Variants in MAP4K3 observed in about 807,000 individuals in gnomAD.
MAP4K3 encodes the protein MAPK/ERK kinase kinase kinase 3.
MAP4K3 carries 94 observed loss-of-function variants against 143.5 expected under a neutral mutation model. That is an observed-to-expected ratio of 0.65 (90% CI 0.55 to 0.78). The LOEUF (loss-of-function observed/expected upper bound fraction) is 0.78, where lower values mean the gene tolerates loss of function less well. Among genes scored for constraint, MAP4K3 ranks in the 30% least tolerant of loss-of-function variants. The probability of loss-of-function intolerance (pLI) is 0.00; values close to 1 mark genes in which losing one functional copy is unlikely to be tolerated. For synonymous variants in MAP4K3, 416 were observed against 347.2 expected, an observed-to-expected ratio of 1.20 and a Z score of -2.20; for missense variants, 1,077 against 1,068.1, an observed-to-expected ratio of 1.01 and a Z score of -0.12.
At chr2:39,359,349 A>C (rs1202120488) in intron 2 of MAP4K3, among the ~76,000 whole-genome samples, 1 of 152,202 alleles carries the variant, frequency 6.6e-6, no homozygotes, top group Non-Finnish European at 1.5e-5. Flanking sequence ...TGATAACAAG[A>C]GGTGGACTCC....
chr2:39,435,354 A>T (rs1665427378), intron 1 of MAP4K3, among the ~76,000 whole-genome samples: 1 of 152,202 alleles, frequency 6.6e-6, no homozygotes, highest in Non-Finnish European at 1.5e-5. Flanking sequence ...GAGAACTAAG[A>T]GGCCTGCAAG....
At chr2:39,298,874 A>G (rs1682393897) in intron 16 of MAP4K3, among the ~76,000 whole-genome samples, 2 of 151,556 alleles carry the variant, frequency 1.3e-5, no homozygotes, top group Non-Finnish European at 2.9e-5. Context: ...CTGGGGCATG[A>G]GAATCACTTG....
intron 2 of MAP4K3, among the ~76,000 whole-genome samples, chr2:39,374,041 G>A (rs1034279147): frequency 1.3e-5 from 2 of 152,118 alleles, no homozygotes; most frequent in South Asian, 2.1e-4. Context: ...TATGCATTGC[G>A]TGTCTGTATC....
intron 24 of MAP4K3, among the ~76,000 whole-genome samples, chr2:39,275,185 T>G (rs1360175921): frequency 6.6e-6 from 1 of 152,142 alleles, no homozygotes; most frequent in Non-Finnish European, 1.5e-5. Context: ...GGTTGATGGG[T>G]GCCTTCTCTC....
At chr2:39,372,649 T>C (rs1304735420) in intron 2 of MAP4K3, among the ~76,000 whole-genome samples, 2 of 151,964 alleles carry the variant, frequency 1.3e-5, no homozygotes, top group Admixed American at 6.6e-5. Context: ...GTACAGTGAA[T>C]GCATTTTCAA....
intron 4 of MAP4K3, among the ~76,000 whole-genome samples, chr2:39,338,107 C>T (rs1665028436): frequency 6.6e-6 from 1 of 151,958 alleles, no homozygotes; most frequent in Admixed American, 6.6e-5. Flanking sequence ...TGTTGTATCT[C>T]CAGTGTGCAG....
intron 1 of MAP4K3, among the ~76,000 whole-genome samples, chr2:39,378,702 T>A (rs1175651303): frequency 6.6e-6 from 1 of 152,112 alleles, no homozygotes; most frequent in Non-Finnish European, 1.5e-5. Context: ...GCCCCCTGCA[T>A]CCTTTTAAAC....
rs191424965 is a variant in MAP4K3, at chr2:39,436,212, C to T, written c.96+680G>A. Among the ~76,000 whole-genome samples the T allele has an allele frequency of 3.4e-3, 518 of 152,124 alleles. 1 individual carries two copies. The highest frequency in any genetic ancestry group is 4.2e-3 in the South Asian group (20 of 4,808). The stretch of plus-strand genomic sequence containing the variant: ...CCGCTACTGGACTTTGAATTCTAAC[C>T]TTGTCAAACCAGTACCTTCCCTAAG... On this transcript the variant is annotated intron_variant, in intron 1 of 33. Coordinates refer to ENST00000263881, the MANE Select transcript of MAP4K3 (RefSeq NM_003618.4).
intron 33 of MAP4K3, among the ~76,000 whole-genome samples, chr2:39,250,996 A>T (rs1680136178): frequency 2.0e-5 from 3 of 152,212 alleles, no homozygotes; most frequent in Admixed American, 2.0e-4. Context: ...TACAAGTTCT[A>T]AAAACGATTT....
intron 1 of MAP4K3, among the ~76,000 whole-genome samples, chr2:39,417,838 C>CT (rs770011799): frequency 1.3e-5 from 2 of 152,118 alleles, no homozygotes; most frequent in Non-Finnish European, 2.9e-5. Flanking sequence ...AAAATGTCTG[C>CT]TTATCAGGCT....
intron 1 of MAP4K3, among the ~76,000 whole-genome samples, chr2:39,382,534 G>T (rs753966810): frequency 6.6e-6 from 1 of 152,158 alleles, no homozygotes; most frequent in African/African-American, 2.4e-5. Context: ...GTGAAGACAG[G>T]CTATTTCTAA....
At chr2:39,269,687 T>TAA (rs1350517369) in intron 26 of MAP4K3, among the ~76,000 whole-genome samples, 1 of 152,068 alleles carries the variant, frequency 6.6e-6, no homozygotes, top group African/African-American at 2.4e-5. Flanking sequence ...TACCTCTTTT[T>TAA]AAGTACTTGT....
At chr2:39,383,613 GTAGAATTATTAA>G (rs1373994742) in intron 1 of MAP4K3, among the ~76,000 whole-genome samples, 1 of 151,698 alleles carries the variant, frequency 6.6e-6, no homozygotes, top group Non-Finnish European at 1.5e-5. Flanking sequence ...TATTGTACCG[GTAGAATTATTAA>G]TAATTCTACC....
intron 16 of MAP4K3, among the ~76,000 whole-genome samples, chr2:39,297,708 G>C (rs1239713451): frequency 6.6e-6 from 1 of 152,142 alleles, no homozygotes; most frequent in African/African-American, 2.4e-5. Flanking sequence ...GAATAAAGCA[G>C]ACATATCAAT....
chr2:39,350,119 C>T (rs1665410495), intron 3 of MAP4K3, among the ~76,000 whole-genome samples: 1 of 152,172 alleles, frequency 6.6e-6, no homozygotes, highest in Admixed American at 6.5e-5. Flanking sequence ...ATGCGCAGGA[C>T]TATCTCCCAC....
chr2:39,269,470 C>CTTT (rs59479315), intron 26 of MAP4K3, among the ~76,000 whole-genome samples: 8,605 of 89,336 alleles, frequency 0.096, 338 homozygotes, highest in African/African-American at 0.11. Context: ...TTGCTCAGGT[C>CTTT]TTTTTTTTTT....
intron 20 of MAP4K3, 63 bp downstream of exon 20, chr2:39,288,058 G>GC: frequency 6.4e-7 from 1 of 1,570,218 alleles, no homozygotes; most frequent in Non-Finnish European, 8.7e-7. Flanking sequence ...TTAAAAGAAA[G>GC]TTTTTTTTCT....
chr2:39,342,911 A>G (rs989198183), intron 4 of MAP4K3, among the ~76,000 whole-genome samples: 5 of 152,232 alleles, frequency 3.3e-5, no homozygotes, highest in African/African-American at 9.6e-5. Context: ...TTACTTTACA[A>G]ATCTCTTATA....
chr2:39,360,887 G>A (rs1267191757), intron 2 of MAP4K3, among the ~76,000 whole-genome samples: 3 of 152,136 alleles, frequency 2.0e-5, no homozygotes. Flanking sequence ...GGGATTATGG[G>A]AATGACTCAA....
Sources: gnomAD v4.1 joint callset for allele counts (sites outside exome capture counted in the v4.1 genomes callset) on GRCh38, gnomAD v4.1.1 for gene constraint, MANE v1.5 for transcripts, NCBI Gene and HGNC (gene_info 2026-07-23, HGNC 2026-07-21) for gene names.